CD55: variants seen among roughly 807,000 people sequenced by gnomAD.
The protein encoded by CD55 is complement decay-accelerating factor.
Under a neutral mutation model 45.8 loss-of-function variants are expected in CD55, and 41 were observed. The ratio of observed to expected loss-of-function variants is 0.90; its 90% CI spans 0.70 to 1.16. The LOEUF (loss-of-function observed/expected upper bound fraction) is 1.16. CD55 is among the 50% of genes most tolerant of loss of function. CD55 has a pLI of 0.00. For synonymous variants in CD55, 181 were observed against 181.1 expected (o/e 1.00, Z 0.01); for missense variants, 416 against 469.8 (o/e 0.89, Z 1.06).
intron 7 of CD55, 79 bp downstream of exon 7, chr1:207,336,897 A>T: frequency 6.6e-7 from 1 of 1,512,330 alleles, no homozygotes; most frequent in East Asian, 2.3e-5. Flanking sequence ...ACTCCTCAGA[A>T]ACCCACCACA....
chr1:207,360,903 A>G lies in CD55; in HGVS notation c.*1293A>G, dbSNP rs1656275840. 6.6e-6 allele frequency: 1 copy of G among 152,164 alleles called. No homozygotes were observed. The highest frequency in any genetic ancestry group is 2.1e-4 in the South Asian group (1 of 4,826). 9.4% of individuals were successfully genotyped at this position (152,164 alleles called of 1,614,324 possible). ...GAAGTACTTTAAATTTCATACGTTCATGGCATTTCACTGTAAAGACTTTAA... is the reference window on the plus strand; with the variant it reads ...GAAGTACTTTAAATTTCATACGTTCGTGGCATTTCACTGTAAAGACTTTAA... On this transcript the variant is annotated 3_prime_UTR_variant, in exon 10 of 10. Coordinates refer to ENST00000367064, the MANE Select transcript of CD55 (RefSeq NM_000574.5).
At chr1:207,357,828 T>C (rs1037510545) in intron 9 of CD55, among the ~76,000 whole-genome samples, 1 of 152,182 alleles carries the variant, frequency 6.6e-6, no homozygotes, top group Non-Finnish European at 1.5e-5. Flanking sequence ...ACCCTATATA[T>C]GCTGTGTTTT....
At chr1:207,348,262 T>C (rs1655728155) in intron 9 of CD55, among the ~76,000 whole-genome samples, 1 of 152,238 alleles carries the variant, frequency 6.6e-6, no homozygotes, top group African/African-American at 2.4e-5. Flanking sequence ...ATAGCCATTC[T>C]GTCTGCTATG....
rs751677192 is a variant in CD55 at position 207,336,696 on chromosome 1, A to G, written c.857A>G (p.Lys286Arg). The G allele has an allele frequency of 1.2e-6, 2 of 1,613,036 alleles. No individual in the cohort carries two copies. Among genetic ancestry groups the G allele is most frequent in the Non-Finnish European group, 1.7e-6 (2 of 1,179,596 alleles). The stretch of plus-strand genomic sequence containing the variant: ...TTCTCAACCTTTTCTTTCACAGGAA[A>G]ATCTCTAACTTCCAAGGTCCCACCA... Reference protein sequence around the residue: ...WSGPPPECRGKSLTSKVPPTV... With the variant: ...WSGPPPECRGRSLTSKVPPTV... Residue 286 changes from lysine to arginine, a missense_variant, in exon 7 of 10, where the codon AAA (lysine) becomes AGA (arginine). Physicochemically the swap from Lys to Arg is conservative, Grantham distance 26. This residue lies in a region of CD55 where 182 missense variants were observed against 201.4 expected (regional missense o/e 0.90). Transcript: ENST00000367064.
chr1:207,357,374 G>T (rs1184209208), intron 9 of CD55, among the ~76,000 whole-genome samples: 1 of 151,950 alleles, frequency 6.6e-6, no homozygotes, highest in Non-Finnish European at 1.5e-5. Context: ...TGGTATGGAA[G>T]CATCAGCAAA....
intron 5 of CD55, among the ~76,000 whole-genome samples, chr1:207,330,802 T>A (rs1654909080): frequency 6.6e-6 from 1 of 152,188 alleles, no homozygotes; most frequent in African/African-American, 2.4e-5. Flanking sequence ...TCACTTTTCC[T>A]AGCACCGTTT....
rs1440931118 is a variant in CD55, at chr1:207,360,614, T to G, written c.*1004T>G. ...GAATGCCATGCCTTGGTTGTCCTAG[T>G]GTGAATAATTTTCAGCTACTTTAAA... On this transcript the variant is annotated 3_prime_UTR_variant, in exon 10 of 10. Transcript: ENST00000367064. 1 of 152,138 alleles carries G rather than the reference T, an allele frequency of 6.6e-6. No homozygotes were observed. The highest frequency in any genetic ancestry group is 6.5e-5 in the Admixed American group (1 of 15,268). The allele number at this position is 152,138 out of a possible 1,614,324, so 9.4% of individuals were successfully genotyped here. A position where few individuals can be genotyped will look rare whatever the true frequency, so the allele number is the denominator to read the frequency against.
At chr1:207,326,904 C>A in intron 5 of CD55, 67 bp downstream of exon 5, 1 of 1,143,856 alleles carries the variant, frequency 8.7e-7, no homozygotes, top group Non-Finnish European at 1.3e-6. Flanking sequence ...TTAATTTCTG[C>A]CCCTTAAGAA....
At chr1:207,341,585 G>C (rs1001314520) in intron 9 of CD55, among the ~76,000 whole-genome samples, 4 of 151,968 alleles carry the variant, frequency 2.6e-5, no homozygotes, top group Admixed American at 2.0e-4. Context: ...TTTATTTCTG[G>C]GTTCTCTATT....
At chr1:207,352,355 A>G (rs1018650004) in intron 9 of CD55, among the ~76,000 whole-genome samples, 5 of 152,050 alleles carry the variant, frequency 3.3e-5, no homozygotes, top group African/African-American at 1.2e-4. Context: ...CAGTTTATGT[A>G]TCACATATAT....
At chr1:207,322,693 G>C (rs917883888) in intron 2 of CD55, 126 bp downstream of exon 2, 1 of 753,788 alleles carries the variant, frequency 1.3e-6, no homozygotes, top group East Asian at 2.8e-5. Context: ...GGTATACCCT[G>C]TTGGCACGTC....
intron 9 of CD55, among the ~76,000 whole-genome samples, chr1:207,356,456 T>C (rs537840057): frequency 6.6e-6 from 1 of 152,278 alleles, no homozygotes; most frequent in Non-Finnish European, 1.5e-5. Flanking sequence ...AATCCACTGA[T>C]TTTTTTCCAC....
intron 9 of CD55, among the ~76,000 whole-genome samples, chr1:207,350,905 G>A (rs957968239): frequency 6.6e-6 from 1 of 151,836 alleles, no homozygotes; most frequent in African/African-American, 2.4e-5. Flanking sequence ...GGGTTGGTTT[G>A]CTCTTGTTTT....
chr1:207,322,394 T>G lies in CD55; in HGVS notation c.113T>G (p.Leu38Arg). The change falls in exon 2 of 10, where the codon CTT becomes CGT. Residue 38 changes from leucine (L) to arginine (R), a missense_variant. Physicochemically the swap from Leu to Arg is moderately radical, Grantham distance 102. This residue lies in a region of CD55 where 123 missense variants were observed against 105.1 expected (regional missense o/e 1.17). Transcript: ENST00000367064. Reference protein sequence around the residue: ...CLPAVWGDCGLPPDVPNAQPA... With the variant: ...CLPAVWGDCGRPPDVPNAQPA... ...TTTGTCTCCCTAGGTGACTGTGGCC[T>G]TCCCCCAGATGTACCTAATGCCCAG... 1 of 1,613,678 alleles carries G rather than the reference T, an allele frequency of 6.2e-7. No homozygotes were observed.
In CD55 at chr1:207,336,760, A is replaced by G. The variant is rs770776402; in HGVS notation, c.921A>G (p.Thr307=). 4 of 1,613,880 alleles carry G rather than the reference A, an allele frequency of 2.5e-6. No homozygotes were observed. In the East Asian group the frequency reaches 8.9e-5, roughly 36 times the overall value. Residue 307 remains threonine (T), a synonymous_variant, in exon 7 of 10, where the codon ACA becomes ACG. Transcript: ENST00000367064. ...QKPTTVNVPT[T]EVSPTSQKTT... The stretch of plus-strand genomic sequence containing the variant: ...CTACCACAGTAAATGTTCCAACTAC[A>G]GAAGTCTCACCAACTTCTCAGAAAA...
At chr1:207,323,238 G>GATATATATAGGGAGAGATAT (rs1189130682) in intron 2 of CD55, among the ~76,000 whole-genome samples, 6 of 150,644 alleles carry the variant, frequency 4.0e-5, no homozygotes, top group Admixed American at 6.6e-5. Context: ...TATATAAGGA[G>GATATATATAGGGAGAGATAT]ATATATATAG....
chr1:207,340,301 C>A lies in CD55; in HGVS notation c.1081+884C>A, dbSNP rs150435200. 2.6e-4 allele frequency: 93 copies of A among 358,010 alleles called. 1 individual carries two copies. The highest frequency in any genetic ancestry group is 1.8e-3 in the African/African-American group (87 of 47,434). The allele number at this position is 358,010 out of a possible 1,614,324, so 22.2% of individuals were successfully genotyped here. A position where few individuals can be genotyped will look rare whatever the true frequency, so the allele number is the denominator to read the frequency against. On this transcript the variant is annotated intron_variant, in intron 9 of 9. Transcript: ENST00000367064. ...TTGCTGCAAATGACATAACTTTATT[C>A]TTTTTATGGCTGAATGTATTTCATT... is the stretch of plus-strand genomic sequence containing the variant.
At chr1:207,355,903 T>C (rs1450957546) in intron 9 of CD55, among the ~76,000 whole-genome samples, 1 of 152,224 alleles carries the variant, frequency 6.6e-6, no homozygotes, top group Admixed American at 6.5e-5. Flanking sequence ...GTCAAAAAAT[T>C]TTATTTGAGC....
chr1:207,337,487 A>C, intron 8 of CD55, 78 bp downstream of exon 8: 1 of 804,660 alleles, frequency 1.2e-6, no homozygotes, highest in Non-Finnish European at 2.2e-6. Context: ...CCAAGATTGC[A>C]GGATTAAATG....
Sources: allele counts gnomAD v4.1 joint callset (sites outside exome capture counted in the v4.1 genomes callset), GRCh38; gene constraint gnomAD v4.1.1; regional missense constraint gnomAD v4.1.1; transcripts MANE v1.5; gene names NCBI Gene and HGNC (gene_info 2026-07-23, HGNC 2026-07-21).